The following SLC25A26 variants were observed in gnomAD, a reference collection of about 807,000 sequenced individuals.
The protein encoded by SLC25A26 is solute carrier family 25 member 26.
A neutral mutation model predicts 37.8 loss-of-function variants in SLC25A26; 36 were observed. That is an observed-to-expected ratio of 0.95 (90% CI 0.73 to 1.26). SLC25A26 has a LOEUF of 1.26. SLC25A26 is among the 50% of genes most tolerant of loss of function. The pLI is 0.00. For missense variants in SLC25A26, 390 were observed against 331.1 expected, an observed-to-expected ratio of 1.18 and a Z score of -1.38; for synonymous variants, 129 against 122.5, an observed-to-expected ratio of 1.05 and a Z score of -0.35.
chr3:66,257,855 A>C (rs2107248732), intron 3 of SLC25A26, among the ~76,000 whole-genome samples: 1 of 152,120 alleles, frequency 6.6e-6, no homozygotes, highest in African/African-American at 2.4e-5. Context: ...CTCCCACCCC[A>C]GCCACTCTAT....
intron 5 of SLC25A26, among the ~76,000 whole-genome samples, chr3:66,270,397 A>G (rs973721241): frequency 6.6e-6 from 1 of 152,204 alleles, no homozygotes; most frequent in Non-Finnish European, 1.5e-5. Flanking sequence ...TTTTAATCCT[A>G]CATAATTCAT....
chr3:66,141,233 AT>A (rs1199072939), intron 1 of SLC25A26, among the ~76,000 whole-genome samples: 1 of 151,214 alleles, frequency 6.6e-6, no homozygotes, highest in East Asian at 1.9e-4. Context: ...ATTCTTTATA[AT>A]TACATGTACA....
intron 1 of SLC25A26, among the ~76,000 whole-genome samples, chr3:66,196,751 T>C (rs2071049537): frequency 6.6e-6 from 1 of 152,206 alleles, no homozygotes; most frequent in African/African-American, 2.4e-5. Context: ...CTGTAATTCT[T>C]ATACCCTATA....
At chr3:66,147,743 A>G (rs1290259847) in intron 1 of SLC25A26, among the ~76,000 whole-genome samples, 1 of 151,948 alleles carries the variant, frequency 6.6e-6, no homozygotes, top group Non-Finnish European at 1.5e-5. Context: ...CATACACACT[A>G]ACATCTATTG....
intron 1 of SLC25A26, among the ~76,000 whole-genome samples, chr3:66,140,308 G>A (rs572812813): frequency 2.6e-5 from 4 of 152,160 alleles, no homozygotes; most frequent in South Asian, 2.1e-4. Context: ...TGTGTATTCC[G>A]TTGAGTCATG....
chr3:66,248,409 G>A (rs1367630325), intron 3 of SLC25A26, among the ~76,000 whole-genome samples: 1 of 152,146 alleles, frequency 6.6e-6, no homozygotes, highest in East Asian at 1.9e-4. Flanking sequence ...CACAGAAAAA[G>A]CCCTTTGGGA....
intron 5 of SLC25A26, among the ~76,000 whole-genome samples, chr3:66,307,313 G>T (rs1244145887): frequency 6.6e-6 from 1 of 152,208 alleles, no homozygotes; most frequent in African/African-American, 2.4e-5. Context: ...CTTTTGAGAA[G>T]TGTCTGTTAA....
At chr3:66,373,644 G>A (rs1678368854) in intron 9 of SLC25A26, among the ~76,000 whole-genome samples, 2 of 150,858 alleles carry the variant, frequency 1.3e-5, no homozygotes. Context: ...ATAAGTTTCT[G>A]TCCTCACCAC....
chr3:66,358,792 C>T (rs909712079), intron 6 of SLC25A26, among the ~76,000 whole-genome samples: 1 of 152,116 alleles, frequency 6.6e-6, no homozygotes. Flanking sequence ...ATGTTTTTGT[C>T]TATAAAATGA....
intron 5 of SLC25A26, among the ~76,000 whole-genome samples, chr3:66,288,678 A>G (rs2074598878): frequency 6.6e-6 from 1 of 152,226 alleles, no homozygotes; most frequent in Non-Finnish European, 1.5e-5. Flanking sequence ...ATGGCTGCAT[A>G]GTATTCAATG....
intron 5 of SLC25A26, among the ~76,000 whole-genome samples, chr3:66,290,695 G>A (rs1164959808): frequency 6.6e-6 from 1 of 152,186 alleles, no homozygotes; most frequent in Non-Finnish European, 1.5e-5. Context: ...GCTTGTCGGT[G>A]TGCTGCTGGA....
intron 1 of SLC25A26, among the ~76,000 whole-genome samples, chr3:66,163,213 T>G (rs2070383618): frequency 6.6e-6 from 1 of 152,222 alleles, no homozygotes; most frequent in Admixed American, 6.5e-5. Flanking sequence ...AAAACCCCAG[T>G]GACTTAAAAG....
chr3:66,239,251 C>A (rs538924595), intron 2 of SLC25A26, among the ~76,000 whole-genome samples: 30 of 150,694 alleles, frequency 2.0e-4, no homozygotes, highest in African/African-American at 7.1e-4. Context: ...TTTTGAAACC[C>A]TTCATCCCCA....
intron 5 of SLC25A26, among the ~76,000 whole-genome samples, chr3:66,333,674 C>T (rs900058863): frequency 6.6e-6 from 1 of 152,090 alleles, no homozygotes. Flanking sequence ...ATTTTGGCCT[C>T]TAATGATTCA....
chr3:66,344,261 G>C (rs1308559478), intron 5 of SLC25A26, among the ~76,000 whole-genome samples: 1 of 151,976 alleles, frequency 6.6e-6, no homozygotes, highest in African/African-American at 2.4e-5. Context: ...TCAGGAGTTC[G>C]AGACCAGCCT....
intron 1 of SLC25A26, among the ~76,000 whole-genome samples, chr3:66,150,966 G>T (rs28421805): frequency 0.49 from 74,297 of 151,382 alleles, 18,684 homozygotes; most frequent in African/African-American, 0.59. Flanking sequence ...ACATGGGGCA[G>T]GTGCCTAGCA....
intron 1 of SLC25A26, among the ~76,000 whole-genome samples, chr3:66,210,671 C>A (rs1002514136): frequency 6.6e-6 from 1 of 152,060 alleles, no homozygotes; most frequent in Admixed American, 6.6e-5. Flanking sequence ...GGCCAACATG[C>A]GAGGCTAATT....
intron 1 of SLC25A26, among the ~76,000 whole-genome samples, chr3:66,199,879 A>T (rs2071087758): frequency 6.6e-6 from 1 of 152,104 alleles, no homozygotes; most frequent in Non-Finnish European, 1.5e-5. Context: ...ATTGACTCTG[A>T]TTGTGACCTT....
At chr3:66,292,385 C>A (rs990141377) in intron 5 of SLC25A26, among the ~76,000 whole-genome samples, 1 of 152,138 alleles carries the variant, frequency 6.6e-6, no homozygotes, top group African/African-American at 2.4e-5. Context: ...GCAGTTTCTT[C>A]GTAGTGTTGA....
Sources: gnomAD v4.1 joint callset for allele counts (sites outside exome capture counted in the v4.1 genomes callset) on GRCh38, gnomAD v4.1.1 for gene constraint, MANE v1.5 for transcripts, NCBI Gene and HGNC (gene_info 2026-07-23, HGNC 2026-07-21) for gene names.